Variants in COG7 observed in about 807,000 individuals in gnomAD.
COG7 encodes the protein conserved oligomeric Golgi complex subunit 7.
In COG7, 49 loss-of-function variants were observed where a neutral mutation model predicts 91.5. The observed-to-expected ratio is 0.54, with a 90% CI of 0.43 to 0.68. COG7 has a LOEUF of 0.68. COG7 is among the 30% of genes least tolerant of loss of function. The probability of loss-of-function intolerance (pLI) is 0.00; values close to 1 mark genes in which losing one functional copy is unlikely to be tolerated. For synonymous variants in COG7, 365 were observed against 388.7 expected (o/e 0.94, Z 0.72); for missense variants, 895 against 961.3 (o/e 0.93, Z 0.91).
chr16:23,401,460 C>T (rs1257897098), intron 13 of COG7, among the ~76,000 whole-genome samples: 1 of 152,178 alleles, frequency 6.6e-6, no homozygotes, highest in East Asian at 1.9e-4. Flanking sequence ...AGCACCACCC[C>T]TGTTTAAATG....
chr16:23,391,011 G>C (rs1274856838), intron 16 of COG7, among the ~76,000 whole-genome samples: 1 of 152,196 alleles, frequency 6.6e-6, no homozygotes, highest in Non-Finnish European at 1.5e-5. Context: ...ATGTCTTTCA[G>C]GTGTGCATGC....
chr16:23,423,023 C>CGAGAGTGAGACTCGTCCCATGGCTGACT (rs1474212601), intron 7 of COG7, among the ~76,000 whole-genome samples: 2 of 116,590 alleles, frequency 1.7e-5, no homozygotes, highest in South Asian at 2.8e-4. Context: ...CCAGCCTGGG[C>CGAGAGTGAGACTCGTCCCATGGCTGACT]AACAAAGCAA....
In COG7 at chr16:23,444,166, AGGACTAAGGTGG is replaced by A. The variant is rs1162496855; in HGVS notation, c.435+870_435+881del. Reference sequence around the variant, plus strand: ...AGAAAAAAAAAAAAAGAAAAATTAGAGGACTAAGGTGGGGGTCAGGGTTAGGAAAAAAACTTA... The same window carrying A: ...AGAAAAAAAAAAAAAGAAAAATTAGAGGGTCAGGGTTAGGAAAAAAACTTA... On this transcript the variant is annotated intron_variant, in intron 3 of 16. Transcript: ENST00000307149. Among the ~76,000 whole-genome samples the A allele has an allele frequency of 5.9e-5, 9 of 151,904 alleles. No individual in the cohort carries two copies. In the South Asian group the frequency reaches 1.9e-3, roughly 32 times the overall value.
intron 11 of COG7, among the ~76,000 whole-genome samples, chr16:23,409,088 T>TGTGTGTGTGTGCGCGC (rs567307217): frequency 0.022 from 3,204 of 147,816 alleles, 67 homozygotes; most frequent in African/African-American, 0.033. Context: ...TGTGTGTGTG[T>TGTGTGTGTGTGCGCGC]GCGTGCATGT....
At chr16:23,391,800 A>G in intron 16 of COG7, 1 of 191,410 alleles carries the variant, frequency 5.2e-6, no homozygotes, top group Non-Finnish European at 1.1e-5. Context: ...GAGGCCCTCC[A>G]GTGAAGAGGG....
intron 9 of COG7, chr16:23,415,683 G>C (rs1455188274): frequency 6.6e-6 from 1 of 152,252 alleles, no homozygotes; most frequent in African/African-American, 2.4e-5. Context: ...GAGCTCCCAT[G>C]CCCATCACAG....
chr16:23,407,277 C>G, intron 11 of COG7, among the ~76,000 whole-genome samples: 1 of 152,192 alleles, frequency 6.6e-6, no homozygotes, highest in East Asian at 1.9e-4. Flanking sequence ...TTGAGCCAAC[C>G]AGTAACTTTG....
chr16:23,403,638 T>G, intron 13 of COG7, 56 bp downstream of exon 13: 2 of 1,597,658 alleles, frequency 1.3e-6, no homozygotes, highest in Non-Finnish European at 8.6e-7. Flanking sequence ...ACACTCAGTA[T>G]GCTTGAGTTG....
intron 16 of COG7, among the ~76,000 whole-genome samples, chr16:23,389,375 GCACA>G (rs373475379): frequency 6.6e-6 from 1 of 150,522 alleles, no homozygotes; most frequent in African/African-American, 2.4e-5. Flanking sequence ...GCACACACAC[GCACA>G]CACACTCTCA....
At chr16:23,439,586 G>A (rs370504487) in intron 4 of COG7, among the ~76,000 whole-genome samples, 7 of 152,258 alleles carry the variant, frequency 4.6e-5, no homozygotes, top group South Asian at 2.1e-4. Flanking sequence ...AAGATGTTAC[G>A]CTAAGCCATA....
At chr16:23,424,157 C>T (rs9938407) in intron 7 of COG7, among the ~76,000 whole-genome samples, 5,628 of 152,092 alleles carry the variant, frequency 0.037, 375 homozygotes, top group African/African-American at 0.13. Flanking sequence ...ATTAGCCAGG[C>T]GTGGTGCTGC....
At chr16:23,405,341 C>A (rs950221541) in intron 12 of COG7, among the ~76,000 whole-genome samples, 4 of 152,024 alleles carry the variant, frequency 2.6e-5, no homozygotes, top group Non-Finnish European at 5.9e-5. Flanking sequence ...TTGGGATCCT[C>A]TATTACAGGT....
intron 10 of COG7, among the ~76,000 whole-genome samples, chr16:23,411,497 A>G (rs1383053740): frequency 6.6e-6 from 1 of 152,232 alleles, no homozygotes; most frequent in Admixed American, 6.5e-5. Context: ...CATCTAGAAC[A>G]TTACATTTTT....
intron 2 of COG7, 116 bp downstream of exon 2, chr16:23,445,697 T>C: frequency 9.6e-7 from 1 of 1,039,612 alleles, no homozygotes. Flanking sequence ...GGGCAGAATC[T>C]TGAGTGATGG....
chr16:23,445,826 G>A lies in COG7; in HGVS notation c.305C>T (p.Ser102Phe). The A allele has an allele frequency of 3.7e-6, 6 of 1,613,962 alleles. No homozygotes were observed. The highest frequency in any genetic ancestry group is 5.1e-6 in the Non-Finnish European group (6 of 1,179,906). ...EDIKKFEQDT[S>F]QSMQVLVEID... is the part of the protein sequence containing the mutation. ...GAGCCAAAATACCTGCATGGATTGA[G>A]ATGTGTCCTGTTCAAATTTTTTAAT... is the stretch of plus-strand genomic sequence containing the variant. The change falls in exon 2 of 17, where the codon TCT (serine) becomes TTT (phenylalanine). Residue 102 changes from serine (S) to phenylalanine (F), a missense_variant. By Grantham distance (155) the Ser-to-Phe change is radical. Transcript: ENST00000307149.
At chr16:23,409,088 T>TGTGTGTGTGTGC (rs567307217) in intron 11 of COG7, among the ~76,000 whole-genome samples, 14 of 147,806 alleles carry the variant, frequency 9.5e-5, no homozygotes, top group African/African-American at 2.8e-4. Context: ...TGTGTGTGTG[T>TGTGTGTGTGTGC]GCGTGCATGT....
intron 1 of COG7, 128 bp downstream of exon 1, chr16:23,452,698 G>C: frequency 6.8e-7 from 1 of 1,466,132 alleles, no homozygotes; most frequent in Non-Finnish European, 9.0e-7. Context: ...TTCGGGGCTT[G>C]CTCTTTTGCC....
chr16:23,403,170 G>T (rs554567597), intron 13 of COG7, among the ~76,000 whole-genome samples: 1 of 152,070 alleles, frequency 6.6e-6, no homozygotes, highest in African/African-American at 2.4e-5. Flanking sequence ...AAGAGAAGAG[G>T]GTGTGAGGAA....
intron 4 of COG7, among the ~76,000 whole-genome samples, chr16:23,437,397 G>A (rs540596878): frequency 6.6e-6 from 1 of 152,226 alleles, no homozygotes; most frequent in African/African-American, 2.4e-5. Context: ...AGTGAGCTCT[G>A]TAGTAGCCAC....
Sources: gnomAD v4.1 joint callset for allele counts (sites outside exome capture counted in the v4.1 genomes callset) on GRCh38, gnomAD v4.1.1 for gene constraint, MANE v1.5 for transcripts, NCBI Gene and HGNC (gene_info 2026-07-23, HGNC 2026-07-21) for gene names.